Variants in SIL1 observed in about 807,000 individuals in gnomAD.
The protein encoded by SIL1 is nucleotide exchange factor SIL1.
SIL1 carries 40 observed loss-of-function variants against 49.1 expected under a neutral mutation model. The ratio of observed to expected loss-of-function variants is 0.81; its 90% CI spans 0.63 to 1.06. The LOEUF (loss-of-function observed/expected upper bound fraction) is 1.06, where lower values mean the gene tolerates loss of function less well. SIL1 is among the 50% of genes least tolerant of loss of function. The pLI is 0.00. For missense variants in SIL1, 500 were observed against 572.6 expected (o/e 0.87, Z 1.29); for synonymous variants, 253 against 250.8 (o/e 1.01, Z -0.08).
chr5:139,076,558 C>A (rs920815980), intron 3 of SIL1, among the ~76,000 whole-genome samples: 4 of 152,162 alleles, frequency 2.6e-5, no homozygotes, highest in Non-Finnish European at 5.9e-5. Flanking sequence ...TTTGCCCCAT[C>A]CTGCAATCAA....
In SIL1 at chr5:138,947,344, C is replaced by T; in HGVS notation, c.1159G>A (p.Ala387Thr). 6.2e-7 allele frequency: 1 copy of T among 1,613,610 alleles called. No homozygotes were observed. The highest frequency in any genetic ancestry group is 8.5e-7 in the Non-Finnish European group (1 of 1,180,018). ...GWCEITAHLLALPEHDAREKV... is the reference protein window; with the variant it reads ...GWCEITAHLLTLPEHDAREKV... ...TCACGGGCATCATGCTCGGGCAGCG[C>T]CAGGAGGTGGGCCGTGATCTCGCAC... Residue 387 changes from alanine to threonine, a missense_variant, in exon 10 of 10, where the codon GCG becomes ACG. Coordinates refer to ENST00000394817, the MANE Select transcript of SIL1 (RefSeq NM_022464.5). This position sits in a 1 kb window ranked among gnomAD's most constrained non-coding sequence, Gnocchi z 4.1.
intron 7 of SIL1, among the ~76,000 whole-genome samples, chr5:138,968,348 A>G (rs1007622914): frequency 6.6e-6 from 1 of 152,036 alleles, no homozygotes; most frequent in African/African-American, 2.4e-5. Flanking sequence ...GCTGAAAATG[A>G]CCCTGTTTCA....
At position 139,026,875 on chromosome 5, in the gene SIL1, T is replaced by C; in HGVS notation, c.571A>G (p.Lys191Glu). 6.2e-7 allele frequency: 1 copy of C among 1,614,210 alleles called. No individual in the cohort carries two copies. The highest frequency in any genetic ancestry group is 8.5e-7 in the Non-Finnish European group (1 of 1,180,044). Residue 191 changes from lysine to glutamate, a missense_variant, in exon 6 of 10, where the codon AAG becomes GAG. Coordinates refer to ENST00000394817, the MANE Select transcript of SIL1 (RefSeq NM_022464.5). ...DMQIMVRLIN[K>E]FNSSSSSLEE... ...AAACTGGAGCTGGAACTATTGAACT[T>C]GTTGATCAGCCGTACCATGATCTGC...
At chr5:138,958,049 G>A (rs150956834) in intron 7 of SIL1, among the ~76,000 whole-genome samples, 77 of 151,976 alleles carry the variant, frequency 5.1e-4, no homozygotes, top group African/African-American at 1.8e-3. Context: ...ATGAGCCACT[G>A]CACAGAGCCC....
At chr5:139,015,457 CAA>C (rs1194875332) in intron 7 of SIL1, among the ~76,000 whole-genome samples, 1 of 152,136 alleles carries the variant, frequency 6.6e-6, no homozygotes, top group East Asian at 1.9e-4. Context: ...TCTTAAAAAA[CAA>C]AGACATTTCA....
intron 3 of SIL1, among the ~76,000 whole-genome samples, chr5:139,073,912 T>A (rs1041517897): frequency 6.6e-6 from 1 of 150,996 alleles, no homozygotes; most frequent in Non-Finnish European, 1.5e-5. Flanking sequence ...AAAAAAAAAA[T>A]ACATAAATAA....
At chr5:139,145,853 G>A (rs1219990785) in intron 1 of SIL1, among the ~76,000 whole-genome samples, 1 of 151,852 alleles carries the variant, frequency 6.6e-6, no homozygotes, top group Non-Finnish European at 1.5e-5. Flanking sequence ...GAGCCCAGGG[G>A]TTTGAGGCCA....
chr5:139,157,186 G>C (rs1486277687), intron 1 of SIL1, among the ~76,000 whole-genome samples: 2 of 152,222 alleles, frequency 1.3e-5, no homozygotes, highest in African/African-American at 4.8e-5. Context: ...GGTGTGGAGA[G>C]AAATAGTCCA....
chr5:139,045,919 A>G (rs1769149321), intron 4 of SIL1, among the ~76,000 whole-genome samples: 1 of 152,218 alleles, frequency 6.6e-6, no homozygotes, highest in Admixed American at 6.5e-5. Context: ...CCCTAGACTA[A>G]GCCACCATTA....
chr5:139,050,977 T>G lies in SIL1; in HGVS notation c.314A>C (p.Gln105Pro). 6.2e-7 allele frequency: 1 copy of G among 1,614,194 alleles called. No individual in the cohort carries two copies. Among genetic ancestry groups the G allele is most frequent in the Non-Finnish European group, 8.5e-7 (1 of 1,180,024 alleles). The change falls in exon 4 of 10, where the codon CAA becomes CCA. Residue 105 changes from glutamine to proline, a missense_variant. Physicochemically the swap from Gln to Pro is moderately conservative, Grantham distance 76. Transcript: ENST00000394817. ...LQTGEREAKL[Q>P]YEDKFRNNLK... ...ATTATTTCGGAACTTGTCCTCATAT[T>G]GGAGTTTTGCCTCTCTTTCCCCAGT...
intron 1 of SIL1, among the ~76,000 whole-genome samples, chr5:139,144,652 C>T (rs2151802945): frequency 6.6e-6 from 1 of 152,332 alleles, no homozygotes; most frequent in South Asian, 2.1e-4. Flanking sequence ...AGGCAGATCA[C>T]CTGATGTCAG....
chr5:139,166,391 G>A (rs532503498), intron 1 of SIL1, among the ~76,000 whole-genome samples: 6 of 152,306 alleles, frequency 3.9e-5, no homozygotes, highest in Admixed American at 1.3e-4. Context: ...GCCAGGCATA[G>A]TGGCTCATGC....
At chr5:139,038,303 T>A (rs929723833) in intron 5 of SIL1, among the ~76,000 whole-genome samples, 1 of 152,224 alleles carries the variant, frequency 6.6e-6, no homozygotes, top group African/African-American at 2.4e-5. Context: ...TATTAAGTTA[T>A]GAAATTCCAG....
chr5:139,010,181 T>C (rs1360431959), intron 7 of SIL1, among the ~76,000 whole-genome samples: 1 of 146,028 alleles, frequency 6.8e-6, no homozygotes, highest in Non-Finnish European at 1.5e-5. Context: ...CTTTTTTCTC[T>C]AAACTTCCCT....
At chr5:139,060,341 A>G (rs1197169297) in intron 3 of SIL1, among the ~76,000 whole-genome samples, 1 of 151,934 alleles carries the variant, frequency 6.6e-6, no homozygotes, top group Non-Finnish European at 1.5e-5. Context: ...ATTCATTCCA[A>G]TGGTCCCGAA....
chr5:139,025,405 T>C (rs1768622473), intron 6 of SIL1, among the ~76,000 whole-genome samples: 2 of 152,036 alleles, frequency 1.3e-5, no homozygotes, highest in African/African-American at 4.8e-5. Context: ...TCCTCGGTTA[T>C]AAAATGGGAT....
intron 1 of SIL1, among the ~76,000 whole-genome samples, chr5:139,140,249 G>A (rs899899761): frequency 2.0e-5 from 3 of 150,122 alleles, no homozygotes; most frequent in South Asian, 2.1e-4. Flanking sequence ...CAGCCTGGGC[G>A]ACAGAGCAAG....
intron 5 of SIL1, among the ~76,000 whole-genome samples, chr5:139,032,355 G>A (rs142505523): frequency 0.013 from 1,921 of 152,304 alleles, 34 homozygotes; most frequent in African/African-American, 0.043. Context: ...CTACTGATAT[G>A]TTGGGTTATA....
intron 7 of SIL1, among the ~76,000 whole-genome samples, chr5:138,987,125 A>AT (rs1176537841): frequency 6.8e-6 from 1 of 147,864 alleles, no homozygotes; most frequent in Non-Finnish European, 1.5e-5. Flanking sequence ...ATTTTATTTT[A>AT]TTTTATTTAT....
Sources: allele counts gnomAD v4.1 joint callset (sites outside exome capture counted in the v4.1 genomes callset), GRCh38; gene constraint gnomAD v4.1.1; non-coding constraint Gnocchi (gnomAD v3.1); transcripts MANE v1.5; gene names NCBI Gene and HGNC (gene_info 2026-07-23, HGNC 2026-07-21).